SMYD2: variants seen among roughly 807,000 people sequenced by gnomAD.
SMYD2 encodes SET and MYND domain containing 2.
In SMYD2, 53 loss-of-function variants were observed where a neutral mutation model predicts 59.1. The observed-to-expected ratio is 0.90, with a 90% CI of 0.72 to 1.13. The LOEUF (loss-of-function observed/expected upper bound fraction) is 1.13, where lower values mean the gene tolerates loss of function less well. SMYD2 is among the 50% of genes most tolerant of loss of function. The pLI, the probability that SMYD2 is intolerant of heterozygous loss-of-function variation, is 0.00. For missense variants in SMYD2, 494 were observed against 544.7 expected (o/e 0.91, Z 0.93); for synonymous variants, 208 against 198.8 (o/e 1.05, Z -0.39).
intron 2 of SMYD2, 68 bp from the exon 3 acceptor site, chr1:214,314,694 C>A: frequency 8.3e-7 from 1 of 1,200,066 alleles, no homozygotes; most frequent in Non-Finnish European, 1.2e-6. Context: ...CTCACTGCAT[C>A]CTCTCCTCTC....
intron 2 of SMYD2, among the ~76,000 whole-genome samples, chr1:214,305,910 C>T (rs1054862611): frequency 6.6e-6 from 1 of 152,196 alleles, no homozygotes; most frequent in Non-Finnish European, 1.5e-5. Context: ...ATAGTAAACA[C>T]TTGTTCCACA....
intron 2 of SMYD2, among the ~76,000 whole-genome samples, chr1:214,305,698 G>A (rs982990282): frequency 2.9e-5 from 4 of 139,122 alleles, no homozygotes; most frequent in Non-Finnish European, 6.1e-5. Flanking sequence ...CCCTAGTCCA[G>A]CCTCTGTATA....
Position 214,330,242 on chromosome 1 carries a change from T to C in SMYD2, c.780T>C (p.Phe260=), listed in dbSNP as rs1265262902. Reference sequence around the variant, plus strand: ...ACCGGTTAAGAGATTCTTATTTCTTTACCTGTGAGTGCCAGGAGTGTACCA... The same window carrying C: ...ACCGGTTAAGAGATTCTTATTTCTTCACCTGTGAGTGCCAGGAGTGTACCA... ...RNDRLRDSYF[F]TCECQECTTK... is the part of the protein sequence containing the mutation. Residue 260 remains phenylalanine, a synonymous_variant, in exon 8 of 12, where the codon TTT becomes TTC. Transcript: ENST00000366957. 3.7e-6 allele frequency: 6 copies of C among 1,613,416 alleles called. No homozygotes were observed. Among genetic ancestry groups the C allele is most frequent in the Non-Finnish European group, 4.2e-6 (5 of 1,179,620 alleles).
intron 1 of SMYD2, among the ~76,000 whole-genome samples, chr1:214,296,372 ATTTCT>A (rs1225951576): frequency 1.3e-5 from 2 of 152,194 alleles, no homozygotes; most frequent in African/African-American, 2.4e-5. Context: ...TTCCTGTAAC[ATTTCT>A]TTTCTTCCTT....
chr1:214,301,664 T>G (rs1432545893), intron 1 of SMYD2, among the ~76,000 whole-genome samples: 2 of 151,954 alleles, frequency 1.3e-5, no homozygotes, highest in Non-Finnish European at 2.9e-5. Flanking sequence ...GCAACAAGTG[T>G]TGTTTTCCTG....
chr1:214,331,688 C>A, intron 9 of SMYD2: 1 of 235,108 alleles, frequency 4.3e-6, no homozygotes, highest in Non-Finnish European at 8.3e-6. Flanking sequence ...AAGAACTTTG[C>A]CACAGTGGGA....
At chr1:214,308,903 G>T (rs976954760) in intron 2 of SMYD2, among the ~76,000 whole-genome samples, 16 of 152,286 alleles carry the variant, frequency 1.1e-4, no homozygotes, top group African/African-American at 3.9e-4. Context: ...AGGAAAGGAG[G>T]TTCTGTGGGA....
chr1:214,303,927 G>A (rs1656870917), intron 1 of SMYD2, among the ~76,000 whole-genome samples: 1 of 152,200 alleles, frequency 6.6e-6, no homozygotes, highest in Non-Finnish European at 1.5e-5. Context: ...CACCGGGGTG[G>A]GCAAGAGTTC....
intron 1 of SMYD2, among the ~76,000 whole-genome samples, chr1:214,300,826 GCTT>G (rs1264116192): frequency 1.3e-5 from 2 of 152,142 alleles, no homozygotes; most frequent in Non-Finnish European, 2.9e-5. Flanking sequence ...AATAATAATA[GCTT>G]CTTCTTAGAC....
At chr1:214,315,210 G>A (rs952942247) in intron 3 of SMYD2, among the ~76,000 whole-genome samples, 18 of 152,312 alleles carry the variant, frequency 1.2e-4, no homozygotes, top group African/African-American at 4.1e-4. Context: ...ATTGGTCTGA[G>A]CAGCTTTGAG....
At chr1:214,332,650 T>C (rs1395911599) in intron 10 of SMYD2, 1 of 153,598 alleles carries the variant, frequency 6.5e-6, no homozygotes, top group Non-Finnish European at 1.4e-5. Context: ...GGGTTGACCG[T>C]GGTTATCTAA....
intron 1 of SMYD2, among the ~76,000 whole-genome samples, chr1:214,303,324 C>T (rs745441715): frequency 4.6e-5 from 7 of 152,138 alleles, no homozygotes; most frequent in Non-Finnish European, 8.8e-5. Flanking sequence ...GTGCACATCA[C>T]GCAGCGCTTG....
intron 1 of SMYD2, among the ~76,000 whole-genome samples, chr1:214,288,345 C>G (rs1246875873): frequency 1.3e-5 from 2 of 152,200 alleles, no homozygotes; most frequent in African/African-American, 4.8e-5. Context: ...TAAGTGGTTT[C>G]TCTGAATTTC....
Position 214,332,197 on chromosome 1 carries a change from T to C in SMYD2, c.1112+5T>C, listed in dbSNP as rs2102479912. The C allele has an allele frequency of 6.2e-7, 1 of 1,613,532 alleles. No homozygotes were observed. The highest frequency in any genetic ancestry group is 8.5e-7 in the Non-Finnish European group (1 of 1,179,690). On this transcript the variant is annotated splice_donor_5th_base_variant and intron_variant, in intron 10 of 11. Coordinates refer to ENST00000366957, the MANE Select transcript of SMYD2 (RefSeq NM_020197.3). ...GAAAATCATTAAGCCCTACAGGTGA[T>C]TGCAGAGGCTGTTCTAATCATCCAC...
chr1:214,305,358 G>A, intron 2 of SMYD2, 108 bp downstream of exon 2: 1 of 1,051,920 alleles, frequency 9.5e-7, no homozygotes, highest in Non-Finnish European at 1.5e-6. Flanking sequence ...GGAAAGCATA[G>A]GATGTGGCTG....
intron 6 of SMYD2, 117 bp from the exon 7 acceptor site, chr1:214,327,505 T>TG (rs1657281920): frequency 1.2e-6 from 1 of 823,914 alleles, no homozygotes; most frequent in Admixed American, 2.0e-5. Context: ...ACTATTAGAT[T>TG]TTTAAAAAAT....
At position 214,314,812 on chromosome 1, in the gene SMYD2, T is replaced by G. The variant is rs1222741113; in HGVS notation, c.288T>G (p.Phe96Leu). ...TGGAATGTTCTCCCATGGTTGTTTT[T>G]GGGGAAAACTGGAATCCCTCGGAGA... ...HKLECSPMVV[F>L]GENWNPSETV... The change falls in exon 3 of 12, where the codon TTT becomes TTG. Residue 96 changes from phenylalanine (F) to leucine (L), a missense_variant. Coordinates refer to ENST00000366957, the MANE Select transcript of SMYD2 (RefSeq NM_020197.3). 1 of 1,614,144 alleles carries G rather than the reference T, an allele frequency of 6.2e-7. No individual in the cohort carries two copies. The highest frequency in any genetic ancestry group is 8.5e-7 in the Non-Finnish European group (1 of 1,179,998).
intron 1 of SMYD2, among the ~76,000 whole-genome samples, chr1:214,295,793 C>G (rs1334068734): frequency 6.6e-6 from 1 of 152,188 alleles, no homozygotes; most frequent in Non-Finnish European, 1.5e-5. Context: ...TTATCCTTGT[C>G]CCCTGACCAG....
At chr1:214,281,954 C>A (rs955863965) in intron 1 of SMYD2, among the ~76,000 whole-genome samples, 1 of 152,202 alleles carries the variant, frequency 6.6e-6, no homozygotes, top group Non-Finnish European at 1.5e-5. Context: ...TTAAAGTACG[C>A]TTACATGGGT....
Sources: allele counts gnomAD v4.1 joint callset (sites outside exome capture counted in the v4.1 genomes callset), GRCh38; gene constraint gnomAD v4.1.1; transcripts MANE v1.5; gene names NCBI Gene and HGNC (gene_info 2026-07-23, HGNC 2026-07-21).